ARHGAP6: variants seen among roughly 807,000 people sequenced by gnomAD.
The protein encoded by ARHGAP6 is rho GTPase-activating protein 6.
A neutral mutation model predicts 55.7 loss-of-function variants in ARHGAP6; 16 were observed. The ratio of observed to expected loss-of-function variants is 0.29; its 90% CI spans 0.19 to 0.44. ARHGAP6 has a LOEUF of 0.44. Among genes scored for constraint, ARHGAP6 ranks in the 20% least tolerant of loss-of-function variants. ARHGAP6 has a pLI of 1.00. For missense variants in ARHGAP6, 698 were observed against 808.9 expected, an observed-to-expected ratio of 0.86 and a Z score of 1.66; for synonymous variants, 382 against 360.9, an observed-to-expected ratio of 1.06 and a Z score of -0.66.
intron 1 of ARHGAP6, among the ~76,000 whole-genome samples, chrX:11,325,757 G>A (rs998370181): frequency 2.2e-4 from 25 of 112,337 alleles, no homozygotes; most frequent in African/African-American, 7.8e-4. Context: ...CTAGAAATAT[G>A]CTAATTTGCT....
At chrX:11,542,121 C>A (rs1462121727) in intron 1 of ARHGAP6, among the ~76,000 whole-genome samples, 1 of 105,089 alleles carries the variant, frequency 9.5e-6, no homozygotes, top group Admixed American at 1.0e-4. Context: ...GAAGACAACT[C>A]TGGTTAAATA....
At chrX:11,162,525 C>CACTT (rs1335771013) in intron 9 of ARHGAP6, among the ~76,000 whole-genome samples, 8 of 111,364 alleles carry the variant, frequency 7.2e-5, no homozygotes, top group Non-Finnish European at 1.3e-4. Flanking sequence ...CCCCGTCATT[C>CACTT]ACTTACACAC....
intron 1 of ARHGAP6, among the ~76,000 whole-genome samples, chrX:11,522,813 G>A (rs1334456993): frequency 9.0e-6 from 1 of 111,617 alleles, no homozygotes; most frequent in Non-Finnish European, 1.9e-5. Flanking sequence ...GGTACAAGGA[G>A]GAGCTGGTAC....
intron 2 of ARHGAP6, among the ~76,000 whole-genome samples, chrX:11,219,500 A>C (rs1466819990): frequency 2.1e-5 from 2 of 96,434 alleles, no homozygotes; most frequent in Non-Finnish European, 4.2e-5. Context: ...TTACAGTCCC[A>C]CCAACAGTGT....
chrX:11,189,145 G>A (rs748770165), intron 3 of ARHGAP6, among the ~76,000 whole-genome samples, 161 bp from the exon 4 acceptor site: 61 of 111,913 alleles, frequency 5.5e-4, no homozygotes, highest in Admixed American at 1.7e-3. Context: ...AATCAGAATG[G>A]CCCAAGTTTC....
intron 1 of ARHGAP6, among the ~76,000 whole-genome samples, chrX:11,354,269 CTCTCTCTCTCTCTCTCTCTCTCTCTT>C (rs1418122145): frequency 3.5e-4 from 25 of 71,012 alleles, no homozygotes; most frequent in African/African-American, 1.1e-3. Context: ...GGAAAGAGCT[CTCTCTCTCTCTCTCTCTCTCTCTCTT>C]TCTCTCTCTC....
chrX:11,207,050 T>C (rs2046714065), intron 2 of ARHGAP6, among the ~76,000 whole-genome samples: 1 of 111,564 alleles, frequency 9.0e-6, no homozygotes, highest in Non-Finnish European at 1.9e-5. Context: ...ATAATACATT[T>C]CCTGCCCCTA....
At chrX:11,638,926 C>T (rs370028766) in intron 1 of ARHGAP6, among the ~76,000 whole-genome samples, 2 of 111,208 alleles carry the variant, frequency 1.8e-5, no homozygotes, top group Non-Finnish European at 3.8e-5. Flanking sequence ...CATTAGGCTG[C>T]GGAGGAATGC....
rs73498731 is a variant in ARHGAP6 at position 11,381,871 on chromosome X, C to T, written c.589-127164G>A. Reference sequence around the variant, plus strand: ...CACTGCAGCAACAACTATTTTTGATCCTGGGAGTCAAGAGACGACAAAGTT... The same window carrying T: ...CACTGCAGCAACAACTATTTTTGATTCTGGGAGTCAAGAGACGACAAAGTT... On this transcript the variant is annotated intron_variant, in intron 1 of 12. Coordinates refer to ENST00000337414, the MANE Select transcript of ARHGAP6 (RefSeq NM_013427.3). 6.4e-3 allele frequency among the ~76,000 whole-genome samples: 717 copies of T among 112,209 alleles called. 6 individuals are homozygous for T. The highest frequency in any genetic ancestry group is 0.022 in the African/African-American group (679 of 30,930).
intron 1 of ARHGAP6, among the ~76,000 whole-genome samples, chrX:11,292,168 A>G (rs1371606186): frequency 1.8e-5 from 2 of 112,191 alleles, no homozygotes; most frequent in African/African-American, 6.5e-5. Flanking sequence ...TACAAACTTT[A>G]TAAGTATTAC....
At chrX:11,224,932 C>G in intron 2 of ARHGAP6, among the ~76,000 whole-genome samples, 1 of 111,073 alleles carries the variant, frequency 9.0e-6, no homozygotes, top group Admixed American at 9.6e-5. Context: ...CCAGTTTGAC[C>G]ATTGCTAGCT....
intron 1 of ARHGAP6, among the ~76,000 whole-genome samples, chrX:11,648,532 A>C (rs748976539): frequency 2.7e-5 from 3 of 112,157 alleles, no homozygotes; most frequent in Non-Finnish European, 3.8e-5. Context: ...GAAGCATTAT[A>C]AAATTGATGT....
chrX:11,395,899 C>T (rs185685664), intron 1 of ARHGAP6, among the ~76,000 whole-genome samples: 110 of 111,307 alleles, frequency 9.9e-4, no homozygotes, highest in African/African-American at 3.1e-3. Flanking sequence ...AAAGAGCAAC[C>T]GACTGTAAAA....
At chrX:11,525,340 T>C (rs752713579) in intron 1 of ARHGAP6, among the ~76,000 whole-genome samples, 17 of 112,203 alleles carry the variant, frequency 1.5e-4, no homozygotes, top group African/African-American at 5.5e-4. Context: ...CATGATCTCT[T>C]TCCAGGGGTG....
intron 1 of ARHGAP6, among the ~76,000 whole-genome samples, chrX:11,446,428 A>G (rs750291611): frequency 1.8e-5 from 2 of 112,225 alleles, no homozygotes; most frequent in South Asian, 7.5e-4. Context: ...ACCAACATGG[A>G]TGTAAGGAAC....
chrX:11,289,096 G>A (rs2047954850), intron 1 of ARHGAP6, among the ~76,000 whole-genome samples: 1 of 112,034 alleles, frequency 8.9e-6, no homozygotes. Flanking sequence ...TGTTCCACCT[G>A]ATATTTAGCA....
At chrX:11,156,689 C>T in intron 9 of ARHGAP6, 63 bp from the exon 10 acceptor site, 1 of 879,326 alleles carries the variant, frequency 1.1e-6, no homozygotes, top group East Asian at 3.2e-5. Flanking sequence ...CATATGGTCA[C>T]TGACAATTTT....
chrX:11,168,517 A>G (rs1179520679), intron 9 of ARHGAP6, among the ~76,000 whole-genome samples: 2 of 112,252 alleles, frequency 1.8e-5, no homozygotes, highest in Non-Finnish European at 3.8e-5. Flanking sequence ...AAATTTACAA[A>G]AAGTAATTAG....
At chrX:11,583,545 A>G (rs2051689518) in intron 1 of ARHGAP6, among the ~76,000 whole-genome samples, 1 of 112,561 alleles carries the variant, frequency 8.9e-6, no homozygotes, top group Admixed American at 9.4e-5. Flanking sequence ...CAACTAGTCT[A>G]TTTATATTCC....
Sources: gnomAD v4.1 joint callset for allele counts (sites outside exome capture counted in the v4.1 genomes callset) on GRCh38, gnomAD v4.1.1 for gene constraint, MANE v1.5 for transcripts, NCBI Gene and HGNC (gene_info 2026-07-23, HGNC 2026-07-21) for gene names.